The following ARHGAP24 variants were observed in gnomAD, a reference collection of about 807,000 sequenced individuals.
ARHGAP24 encodes the protein rho GTPase-activating protein 24.
A neutral mutation model predicts 76.4 loss-of-function variants in ARHGAP24; 50 were observed. The observed-to-expected ratio is 0.65, with a 90% CI of 0.52 to 0.83. ARHGAP24 has a LOEUF of 0.83. Among genes scored for constraint, ARHGAP24 ranks in the 40% least tolerant of loss-of-function variants. The pLI is 0.00. For synonymous variants in ARHGAP24, 345 were observed against 323.3 expected (o/e 1.07, Z -0.72); for missense variants, 930 against 914.2 (o/e 1.02, Z -0.22).
chr4:85,649,009 A>ATGTG (rs1491155144), intron 2 of ARHGAP24, among the ~76,000 whole-genome samples: 5 of 37,340 alleles, frequency 1.3e-4, no homozygotes, highest in Admixed American at 1.3e-3. Flanking sequence ...GCATTTGTAA[A>ATGTG]TATGTGTGTG....
intron 1 of ARHGAP24, among the ~76,000 whole-genome samples, chr4:85,534,941 AAAAG>A (rs1192829267): frequency 2.0e-5 from 3 of 151,218 alleles, no homozygotes; most frequent in Non-Finnish European, 4.4e-5. Flanking sequence ...AAAAAAAAAA[AAAAG>A]AAAGAAAACA....
chr4:85,912,862 T>C (rs1319298166), intron 3 of ARHGAP24, among the ~76,000 whole-genome samples: 2 of 152,156 alleles, frequency 1.3e-5, no homozygotes, highest in African/African-American at 4.8e-5. Flanking sequence ...TATTTTTTTT[T>C]CTTTCAATAA....
chr4:85,590,041 A>G (rs1728019668), intron 2 of ARHGAP24, among the ~76,000 whole-genome samples: 1 of 152,246 alleles, frequency 6.6e-6, no homozygotes, highest in South Asian at 2.1e-4. Flanking sequence ...TCTTAAAGTA[A>G]TACTTACTGT....
chr4:85,540,882 G>A (rs1353281194), intron 1 of ARHGAP24, among the ~76,000 whole-genome samples: 1 of 144,724 alleles, frequency 6.9e-6, no homozygotes, highest in Non-Finnish European at 1.5e-5. Context: ...TGTTTGTATA[G>A]TGAACAGCCT....
chr4:85,981,820 T>C (rs1739684752), intron 8 of ARHGAP24, among the ~76,000 whole-genome samples: 1 of 152,126 alleles, frequency 6.6e-6, no homozygotes, highest in Non-Finnish European at 1.5e-5. Context: ...GACCTTGCCA[T>C]TGGCCACCTC....
At chr4:85,880,034 A>G (rs1418213496) in intron 3 of ARHGAP24, among the ~76,000 whole-genome samples, 1 of 152,230 alleles carries the variant, frequency 6.6e-6, no homozygotes, top group East Asian at 1.9e-4. Flanking sequence ...GCCATGGATC[A>G]GTACCAGGAG....
intron 2 of ARHGAP24, among the ~76,000 whole-genome samples, chr4:85,652,394 G>A (rs532617809): frequency 6.6e-6 from 1 of 152,116 alleles, no homozygotes; most frequent in Non-Finnish European, 1.5e-5. Flanking sequence ...CTTTGTTAAC[G>A]AAATTTCCAT....
At chr4:85,635,639 G>T (rs1721287932) in intron 2 of ARHGAP24, among the ~76,000 whole-genome samples, 1 of 151,800 alleles carries the variant, frequency 6.6e-6, no homozygotes, top group African/African-American at 2.4e-5. Context: ...GGCCTTCATT[G>T]CATATCCCAG....
Position 86,001,562 on chromosome 4 carries a change from C to T in ARHGAP24, c.*840C>T, listed in dbSNP as rs1381032611. ...GTCCCTCTGGACCGAATCTCTTTAA[C>T]TGCTGGATAGTTTTAGAGGAATTCT... On this transcript the variant is annotated 3_prime_UTR_variant, in exon 10 of 10. Transcript: ENST00000395184. 4 of 397,050 alleles carry T rather than the reference C, an allele frequency of 1.0e-5. No homozygotes were observed. In the East Asian group the frequency reaches 1.4e-4, roughly 14 times the overall value. 24.6% of individuals were successfully genotyped at this position (397,050 alleles called of 1,614,324 possible).
At chr4:85,657,415 G>T (rs1375131345) in intron 2 of ARHGAP24, among the ~76,000 whole-genome samples, 1 of 151,950 alleles carries the variant, frequency 6.6e-6, no homozygotes, top group African/African-American at 2.4e-5. Flanking sequence ...CTTTAAGAAG[G>T]ATTTTTTTTC....
intron 3 of ARHGAP24, among the ~76,000 whole-genome samples, chr4:85,751,530 G>A (rs1167570334): frequency 6.6e-6 from 1 of 152,154 alleles, no homozygotes; most frequent in African/African-American, 2.4e-5. Flanking sequence ...ATTGCCAAAT[G>A]TTTTTCCAAA....
chr4:85,789,037 G>A (rs1166216514), intron 3 of ARHGAP24, among the ~76,000 whole-genome samples: 1 of 151,980 alleles, frequency 6.6e-6, no homozygotes, highest in Non-Finnish European at 1.5e-5. Context: ...GATGACTTGT[G>A]GCTGGAGCCC....
chr4:85,566,554 A>G (rs1726853531), intron 1 of ARHGAP24, among the ~76,000 whole-genome samples: 2 of 152,216 alleles, frequency 1.3e-5, no homozygotes. Context: ...GCAATGAAAA[A>G]GAAGCCTCTA....
chr4:85,965,965 G>A lies in ARHGAP24; in HGVS notation c.600-6071G>A, dbSNP rs929991190. On this transcript the variant is annotated intron_variant, in intron 5 of 9. Coordinates refer to ENST00000395184, the MANE Select transcript of ARHGAP24 (RefSeq NM_001025616.3). ...GGGGTTGTTTTAGTCAATTCAAACT[G>A]TCATAATAAAATACTGTAGACTGGT... Among the ~76,000 whole-genome samples, 13 of 152,216 alleles carry A rather than the reference G, an allele frequency of 8.5e-5. No individual in the cohort carries two copies. The South Asian group carries it at 1.2e-3, about 15-fold the overall frequency.
intron 2 of ARHGAP24, among the ~76,000 whole-genome samples, chr4:85,690,781 G>A (rs1465918194): frequency 7.0e-6 from 1 of 142,820 alleles, no homozygotes; most frequent in African/African-American, 2.7e-5. Flanking sequence ...TTATTTCATG[G>A]AACCAACTCT....
At chr4:85,492,261 C>T (rs1477225409) in intron 1 of ARHGAP24, among the ~76,000 whole-genome samples, 1 of 152,056 alleles carries the variant, frequency 6.6e-6, no homozygotes, top group Non-Finnish European at 1.5e-5. Flanking sequence ...CCTCTTTCTT[C>T]TTCAGTTACA....
At chr4:85,747,207 C>T (rs1193765474) in intron 3 of ARHGAP24, among the ~76,000 whole-genome samples, 2 of 152,242 alleles carry the variant, frequency 1.3e-5, no homozygotes, top group East Asian at 1.9e-4. Flanking sequence ...AATCTCCTAT[C>T]ATCAGTTTAC....
chr4:85,973,849 T>TG (rs1331728124), intron 6 of ARHGAP24, among the ~76,000 whole-genome samples: 30,639 of 128,238 alleles, frequency 0.24, 4,659 homozygotes, highest in South Asian at 0.45. Flanking sequence ...TTTTTTTTTT[T>TG]TTTTTTTTTT....
intron 1 of ARHGAP24, among the ~76,000 whole-genome samples, chr4:85,516,588 AT>A (rs1198490350): frequency 3.4e-5 from 5 of 148,868 alleles, no homozygotes; most frequent in African/African-American, 7.4e-5. Context: ...ATTTGTATGT[AT>A]TTTTTTAAAA....
Sources: allele counts gnomAD v4.1 joint callset (sites outside exome capture counted in the v4.1 genomes callset), GRCh38; gene constraint gnomAD v4.1.1; transcripts MANE v1.5; gene names NCBI Gene and HGNC (gene_info 2026-07-23, HGNC 2026-07-21).